Variants in CDH2 observed in about 807,000 individuals in gnomAD.
The protein encoded by CDH2 is cadherin 2.
CDH2 carries 17 observed loss-of-function variants against 92.0 expected under a neutral mutation model. That is an observed-to-expected ratio of 0.18 (90% confidence interval 0.13 to 0.28). The LOEUF (loss-of-function observed/expected upper bound fraction) is 0.28. CDH2 is among the 10% of genes least tolerant of loss of function. The probability of loss-of-function intolerance (pLI) is 1.00; values close to 1 mark genes in which losing one functional copy is unlikely to be tolerated. For missense variants in CDH2, 862 were observed against 1,133.1 expected, an observed-to-expected ratio of 0.76 and a Z score of 3.44; for synonymous variants, 419 against 415.9, an observed-to-expected ratio of 1.01 and a Z score of -0.09.
At chr18:28,057,299 A>G (rs1242306542) in intron 2 of CDH2, among the ~76,000 whole-genome samples, 1 of 152,244 alleles carries the variant, frequency 6.6e-6, no homozygotes, top group East Asian at 1.9e-4. Flanking sequence ...TTTAAATACC[A>G]AGGAAATGCT....
chr18:27,933,618 A>T (rs2143826528), intron 6 of CDH2, among the ~76,000 whole-genome samples: 1 of 152,336 alleles, frequency 6.6e-6, no homozygotes, highest in Middle Eastern at 3.4e-3. Context: ...TGTTAGAAGA[A>T]AAGTAGTCTT....
At chr18:28,035,954 G>A (rs2013815685) in intron 2 of CDH2, among the ~76,000 whole-genome samples, 1 of 152,086 alleles carries the variant, frequency 6.6e-6, no homozygotes, top group Admixed American at 6.6e-5. Flanking sequence ...GGGGATTAGG[G>A]AAATTAGGTT....
chr18:28,139,863 T>C (rs973646434), intron 2 of CDH2, among the ~76,000 whole-genome samples: 2 of 152,054 alleles, frequency 1.3e-5, no homozygotes, highest in African/African-American at 4.8e-5. Context: ...ACTGTTTGTA[T>C]ACTGAGTACT....
intron 1 of CDH2, among the ~76,000 whole-genome samples, chr18:28,163,605 A>G (rs1205601016): frequency 6.6e-6 from 1 of 152,218 alleles, no homozygotes; most frequent in Non-Finnish European, 1.5e-5. Flanking sequence ...GAAACCACAC[A>G]CGCAAGTCCA....
At chr18:28,028,552 A>C (rs944521722) in intron 2 of CDH2, among the ~76,000 whole-genome samples, 3 of 152,138 alleles carry the variant, frequency 2.0e-5, no homozygotes, top group South Asian at 2.1e-4. Context: ...TAGGAGAAAA[A>C]GGTCAGGATC....
At chr18:28,087,794 AAAAACAAAAC>A (rs146337361) in intron 2 of CDH2, among the ~76,000 whole-genome samples, 20 of 151,496 alleles carry the variant, frequency 1.3e-4, no homozygotes, top group Middle Eastern at 3.4e-3. Context: ...AATGAAAATA[AAAAACAAAAC>A]AAAACAAAAC....
chr18:28,079,450 A>C (rs1321809118), intron 2 of CDH2, among the ~76,000 whole-genome samples: 2 of 152,174 alleles, frequency 1.3e-5, no homozygotes, highest in Non-Finnish European at 2.9e-5. Flanking sequence ...GGTCTCTCCA[A>C]TTATTTGTTA....
intron 2 of CDH2, among the ~76,000 whole-genome samples, chr18:28,118,313 C>T (rs1227954997): frequency 6.6e-6 from 1 of 152,054 alleles, no homozygotes; most frequent in Admixed American, 6.6e-5. Context: ...GCCACAAATG[C>T]ACTGCTGCAC....
intron 2 of CDH2, among the ~76,000 whole-genome samples, chr18:28,033,405 G>C (rs2013746956): frequency 6.6e-6 from 1 of 152,052 alleles, no homozygotes; most frequent in Non-Finnish European, 1.5e-5. Context: ...TCTGAAGGGA[G>C]AAATGTCAAC....
intron 1 of CDH2, among the ~76,000 whole-genome samples, chr18:28,172,549 A>T (rs2016480768): frequency 6.6e-6 from 1 of 152,226 alleles, no homozygotes; most frequent in African/African-American, 2.4e-5. Flanking sequence ...AGACACAGTG[A>T]TTTGTTGGTA....
At chr18:28,136,824 C>T (rs2015870554) in intron 2 of CDH2, among the ~76,000 whole-genome samples, 5 of 152,086 alleles carry the variant, frequency 3.3e-5, no homozygotes, top group Admixed American at 3.3e-4. Flanking sequence ...AAATAATCTA[C>T]CAGAATCACT....
At chr18:28,046,744 C>T (rs1208527036) in intron 2 of CDH2, among the ~76,000 whole-genome samples, 2 of 151,372 alleles carry the variant, frequency 1.3e-5, no homozygotes, top group East Asian at 3.9e-4. Flanking sequence ...TTTAGATGTG[C>T]TACTTATTTT....
At chr18:28,018,913 A>G (rs17468233) in intron 2 of CDH2, among the ~76,000 whole-genome samples, 6 of 149,874 alleles carry the variant, frequency 4.0e-5, no homozygotes, top group South Asian at 2.1e-4. Flanking sequence ...ATGTGTGTGT[A>G]TATATATATT....
intron 2 of CDH2, among the ~76,000 whole-genome samples, chr18:28,140,915 T>C (rs375508792): frequency 1.4e-5 from 2 of 147,960 alleles, no homozygotes; most frequent in African/African-American, 2.5e-5. Context: ...TATATACCTA[T>C]ATATATATAT....
At position 28,177,078 on chromosome 18, in the gene CDH2, CGGCGGAGGA is replaced by C. The variant is rs1262847054; in HGVS notation, c.-65_-57del. The C allele has an allele frequency of 7.7e-7, 1 of 1,300,550 alleles. No individual in the cohort carries two copies. Among genetic ancestry groups the C allele is most frequent in the Non-Finnish European group, 1.0e-6 (1 of 965,124 alleles). 80.6% of individuals were successfully genotyped at this position (1,300,550 alleles called of 1,614,324 possible). A position where few individuals can be genotyped will look rare whatever the true frequency, so the allele number is the denominator to read the frequency against. On this transcript the variant is annotated 5_prime_UTR_variant, in exon 1 of 16. Coordinates refer to ENST00000269141, the MANE Select transcript of CDH2 (RefSeq NM_001792.5). ...GAGGAGGCGGCGGCGGCGGCGGCGGCGGCGGAGGAGGAGGAGGCAGCGGCAGCACCAACA... is the reference window on the plus strand; with the variant it reads ...GAGGAGGCGGCGGCGGCGGCGGCGGCGGAGGAGGCAGCGGCAGCACCAACA...
chr18:27,938,919 T>A (rs1909077435), intron 6 of CDH2, among the ~76,000 whole-genome samples: 1 of 152,190 alleles, frequency 6.6e-6, no homozygotes, highest in African/African-American at 2.4e-5. Flanking sequence ...ATTCAAATGT[T>A]CAAATGGTAT....
chr18:28,075,244 A>G (rs1245983601), intron 2 of CDH2, among the ~76,000 whole-genome samples: 1 of 152,186 alleles, frequency 6.6e-6, no homozygotes, highest in Non-Finnish European at 1.5e-5. Flanking sequence ...TCCAGAGTCC[A>G]TATGGGATCA....
In CDH2 at chr18:27,958,650, G is replaced by A. The variant is rs532487957; in HGVS notation, c.2514+4707C>T. On this transcript the variant is annotated intron_variant, in intron 15 of 15. Transcript: ENST00000269141. ...ATATGTGATATATGTGTATATGTGCGTGTGTGCACACACAATGATACGGTT... is the reference window on the plus strand; with the variant it reads ...ATATGTGATATATGTGTATATGTGCATGTGTGCACACACAATGATACGGTT... Among the ~76,000 whole-genome samples the A allele has an allele frequency of 1.6e-4, 24 of 151,752 alleles. No individual in the cohort carries two copies. The East Asian group carries it at 2.7e-3, about 17-fold the overall frequency.
At chr18:28,012,279 T>C (rs1339544050) in intron 3 of CDH2, among the ~76,000 whole-genome samples, 1 of 152,186 alleles carries the variant, frequency 6.6e-6, no homozygotes, top group Non-Finnish European at 1.5e-5. Flanking sequence ...GCAGTTAATA[T>C]TGAGCAAAAT....
Sources: allele counts gnomAD v4.1 joint callset (sites outside exome capture counted in the v4.1 genomes callset), GRCh38; gene constraint gnomAD v4.1.1; transcripts MANE v1.5; gene names NCBI Gene and HGNC (gene_info 2026-07-23, HGNC 2026-07-21).